DACH2: variants seen among roughly 807,000 people sequenced by gnomAD.
The protein encoded by DACH2 is dachshund homolog 2.
DACH2 carries 17 observed loss-of-function variants against 35.8 expected under a neutral mutation model. The ratio of observed to expected loss-of-function variants is 0.48; its 90% CI spans 0.33 to 0.71. The LOEUF is 0.71. Among genes scored for constraint, DACH2 ranks in the 30% least tolerant of loss-of-function variants. The probability of loss-of-function intolerance (pLI) is 0.02; values close to 1 mark genes in which losing one functional copy is unlikely to be tolerated. For synonymous variants in DACH2, 195 were observed against 177.3 expected (o/e 1.10, Z -0.79); for missense variants, 469 against 472.7 (o/e 0.99, Z 0.07).
Position 86,468,610 on chromosome X carries a change from A to T in DACH2, c.528-45669A>T, listed in dbSNP as rs149364660. Among the ~76,000 whole-genome samples, 163 of 111,883 alleles carry T rather than the reference A, an allele frequency of 1.5e-3. 4 individuals carry two copies. In the East Asian group the frequency reaches 0.025, roughly 17 times the overall value. ...AACTCACTGAATTTCCAGTGAAGAT[A>T]TCAGTAGAATACCATTCTATATGCC... On this transcript the variant is annotated intron_variant, in intron 2 of 11. Coordinates refer to ENST00000373125, the MANE Select transcript of DACH2 (RefSeq NM_053281.3).
intron 2 of DACH2, among the ~76,000 whole-genome samples, chrX:86,443,634 T>C (rs1437525350): frequency 2.7e-5 from 3 of 111,263 alleles, no homozygotes; most frequent in African/African-American, 9.8e-5. Context: ...TTGAGTATGA[T>C]GTAAACTACA....
intron 7 of DACH2, among the ~76,000 whole-genome samples, chrX:86,747,123 C>T (rs2041721194): frequency 9.0e-6 from 1 of 111,254 alleles, no homozygotes; most frequent in African/African-American, 3.3e-5. Flanking sequence ...AAAATAAAGA[C>T]ATATGAGTCT....
chrX:86,505,361 T>C (rs1350454572), intron 2 of DACH2, among the ~76,000 whole-genome samples: 1 of 112,097 alleles, frequency 8.9e-6, no homozygotes, highest in East Asian at 2.8e-4. Flanking sequence ...TATATTCACA[T>C]TGTTGTGCTG....
chrX:86,398,941 G>A (rs1294091505), intron 2 of DACH2, among the ~76,000 whole-genome samples: 30 of 111,560 alleles, frequency 2.7e-4, no homozygotes, highest in African/African-American at 8.8e-4. Flanking sequence ...GGATATCCTT[G>A]TTAACTTTCT....
chrX:86,150,787 G>A (rs2030338193), intron 1 of DACH2, among the ~76,000 whole-genome samples: 1 of 111,649 alleles, frequency 9.0e-6, no homozygotes, highest in Non-Finnish European at 1.9e-5. Context: ...GGTTACAAGG[G>A]ACTTCAGATA....
intron 3 of DACH2, among the ~76,000 whole-genome samples, chrX:86,515,615 G>T (rs2142909): frequency 1.8e-5 from 2 of 112,015 alleles, no homozygotes; most frequent in Non-Finnish European, 3.8e-5. Flanking sequence ...TTTCCCTTTA[G>T]ACCAGTGGTT....
At chrX:86,547,401 A>G (rs960821381) in intron 3 of DACH2, among the ~76,000 whole-genome samples, 1 of 111,461 alleles carries the variant, frequency 9.0e-6, no homozygotes, top group African/African-American at 3.3e-5. Flanking sequence ...GTTTGGATTT[A>G]TAATTCTTTG....
chrX:86,654,061 A>T (rs1475983066), intron 4 of DACH2, among the ~76,000 whole-genome samples: 2 of 108,338 alleles, frequency 1.8e-5, no homozygotes, highest in African/African-American at 6.7e-5. Context: ...GGATCCCGAC[A>T]TGATTTCTCT....
intron 2 of DACH2, among the ~76,000 whole-genome samples, chrX:86,474,882 C>T (rs2037817875): frequency 9.0e-6 from 1 of 111,335 alleles, no homozygotes; most frequent in African/African-American, 3.3e-5. Flanking sequence ...TACAGGTGCC[C>T]ACCACCATGC....
intron 1 of DACH2, among the ~76,000 whole-genome samples, chrX:86,331,262 C>T (rs1051417442): frequency 1.8e-5 from 2 of 110,532 alleles, no homozygotes; most frequent in African/African-American, 6.6e-5. Flanking sequence ...TCGAGGCTGT[C>T]GGCGTCAGTA....
intron 1 of DACH2, among the ~76,000 whole-genome samples, chrX:86,304,091 G>A (rs1220079694): frequency 8.9e-6 from 1 of 112,147 alleles, no homozygotes; most frequent in East Asian, 2.8e-4. Context: ...ACGGCCAACT[G>A]ATTTTTGTGC....
Position 86,583,579 on chromosome X carries a change from T to C in DACH2, c.641-67457T>C, listed in dbSNP as rs1008061108. On this transcript the variant is annotated intron_variant, in intron 3 of 11. Transcript: ENST00000373125. ...AATTTTATTATTATTATACTTTAAG[T>C]TTTAGGGTACATGTGCACTGTTTTT... is the stretch of plus-strand genomic sequence containing the variant. Among the ~76,000 whole-genome samples, 4 of 110,179 alleles carry C rather than the reference T, an allele frequency of 3.6e-5. No individual in the cohort carries two copies. The Admixed American group carries it at 3.9e-4, about 11-fold the overall frequency.
intron 3 of DACH2, among the ~76,000 whole-genome samples, chrX:86,537,863 G>A (rs1411028989): frequency 1.8e-5 from 2 of 111,207 alleles, no homozygotes; most frequent in Non-Finnish European, 3.8e-5. Flanking sequence ...AGTGAAAATG[G>A]CCGGTTCCTG....
chrX:86,359,758 A>G (rs773577311), intron 1 of DACH2, among the ~76,000 whole-genome samples: 2 of 40,917 alleles, frequency 4.9e-5, no homozygotes, highest in South Asian at 3.5e-3. Context: ...AGTTAAAAAA[A>G]CAAAAACAAA....
At chrX:86,169,940 T>C (rs747998300) in intron 1 of DACH2, among the ~76,000 whole-genome samples, 1 of 110,476 alleles carries the variant, frequency 9.1e-6, no homozygotes, top group Non-Finnish European at 1.9e-5. Flanking sequence ...AAGAGTTAGG[T>C]ATTTGTTGTA....
intron 2 of DACH2, among the ~76,000 whole-genome samples, chrX:86,439,864 ACTT>A (rs765447193): frequency 9.6e-4 from 107 of 111,323 alleles, no homozygotes; most frequent in African/African-American, 3.0e-3. Context: ...TTCCATGGAA[ACTT>A]CTTCTTTGAC....
chrX:86,441,800 G>A (rs1415226773), intron 2 of DACH2, among the ~76,000 whole-genome samples: 1 of 106,261 alleles, frequency 9.4e-6, no homozygotes, highest in East Asian at 2.9e-4. Context: ...ATCTACAGCA[G>A]CATTTGCTAC....
chrX:86,472,721 C>A (rs1387993627), intron 2 of DACH2, among the ~76,000 whole-genome samples: 1 of 111,829 alleles, frequency 8.9e-6, no homozygotes, highest in African/African-American at 3.2e-5. Flanking sequence ...AATACAATTA[C>A]AGTTAGTTTC....
At chrX:86,675,747 G>GC (rs2040818841) in intron 4 of DACH2, among the ~76,000 whole-genome samples, 1 of 108,856 alleles carries the variant, frequency 9.2e-6, no homozygotes, top group African/African-American at 3.3e-5. Flanking sequence ...GAAATTAAGA[G>GC]TTTTTTTTTC....
Sources: allele counts gnomAD v4.1 joint callset (sites outside exome capture counted in the v4.1 genomes callset), GRCh38; gene constraint gnomAD v4.1.1; transcripts MANE v1.5; gene names NCBI Gene and HGNC (gene_info 2026-07-23, HGNC 2026-07-21).